Variants in DOCK10 observed in about 807,000 individuals in gnomAD.
The protein encoded by DOCK10 is dedicator of cytokinesis protein 10.
A neutral mutation model predicts 280.1 loss-of-function variants in DOCK10; 145 were observed. The observed-to-expected ratio is 0.52, with a 90% CI of 0.45 to 0.59. DOCK10 has a LOEUF of 0.59. Among genes scored for constraint, DOCK10 ranks in the 20% least tolerant of loss-of-function variants. The pLI is 0.00. For missense variants in DOCK10, 2,368 were observed against 2,651.7 expected (o/e 0.89, Z 2.35); for synonymous variants, 915 against 942.2 (o/e 0.97, Z 0.53).
At chr2:224,867,251 G>A (rs1419317242) in intron 11 of DOCK10, among the ~76,000 whole-genome samples, 2 of 152,194 alleles carry the variant, frequency 1.3e-5, no homozygotes, top group African/African-American at 2.4e-5. Context: ...CTCCAACAGT[G>A]AGAATGCGGG....
chr2:224,824,978 ATT>A (rs10563888), intron 27 of DOCK10, among the ~76,000 whole-genome samples: 17,204 of 126,624 alleles, frequency 0.14, 1,072 homozygotes, highest in Middle Eastern at 0.19. Flanking sequence ...GCTGGCTTCT[ATT>A]TTTTTTTTTT....
intron 1 of DOCK10, among the ~76,000 whole-genome samples, chr2:224,966,806 AG>A (rs1704770581): frequency 6.6e-6 from 1 of 152,166 alleles, no homozygotes; most frequent in African/African-American, 2.4e-5. Context: ...TATTTTATTG[AG>A]GCTGTGAACA....
chr2:224,809,423 G>GA (rs1389766069), intron 31 of DOCK10, among the ~76,000 whole-genome samples: 2 of 152,064 alleles, frequency 1.3e-5, no homozygotes, highest in Non-Finnish European at 2.9e-5. Flanking sequence ...CAGATTGGGA[G>GA]AAAATGCTTG....
intron 29 of DOCK10, among the ~76,000 whole-genome samples, 184 bp downstream of exon 29, chr2:224,819,262 T>C (rs746039829): frequency 5.9e-5 from 9 of 152,168 alleles, no homozygotes; most frequent in African/African-American, 2.2e-4. Context: ...CTCTCCTTTG[T>C]CCCCATTAAG....
intron 1 of DOCK10, among the ~76,000 whole-genome samples, chr2:224,959,199 T>G (rs1205940259): frequency 6.6e-6 from 1 of 152,196 alleles, no homozygotes; most frequent in East Asian, 1.9e-4. Flanking sequence ...TGCATCTCAC[T>G]GCATTCACAG....
At chr2:224,889,001 G>A (rs1460502577) in intron 4 of DOCK10, among the ~76,000 whole-genome samples, 6 of 152,114 alleles carry the variant, frequency 3.9e-5, no homozygotes, top group Admixed American at 6.6e-5. Flanking sequence ...TAAGCCAGAC[G>A]TGGAGAAAAA....
intron 55 of DOCK10, among the ~76,000 whole-genome samples, chr2:224,767,415 C>T (rs1320264189): frequency 2.6e-5 from 4 of 152,134 alleles, no homozygotes; most frequent in Non-Finnish European, 4.4e-5. Flanking sequence ...CTGCCCACCT[C>T]GGCCTCCCAA....
intron 4 of DOCK10, among the ~76,000 whole-genome samples, chr2:224,887,402 A>AT (rs1438510424): frequency 6.6e-6 from 1 of 152,150 alleles, no homozygotes; most frequent in East Asian, 1.9e-4. Context: ...GTGCATTTCC[A>AT]TGGTATCCTA....
intron 51 of DOCK10, among the ~76,000 whole-genome samples, chr2:224,776,336 G>A (rs1690862579): frequency 6.6e-6 from 1 of 152,128 alleles, no homozygotes; most frequent in Non-Finnish European, 1.5e-5. Context: ...GGTTTCGAGT[G>A]ACCAGCTAAT....
rs551751434 is a variant in DOCK10 at position 224,852,280 on chromosome 2, T to C, written c.2142+97A>G. ...AACAAATGTATTAAATTACTGCTCT[T>C]TCAACCACACTCACATAAAAAGCCC... On this transcript the variant is annotated intron_variant, in intron 18 of 55. Transcript: ENST00000258390. The C allele has an allele frequency of 2.8e-4, 254 of 903,092 alleles. 4 individuals carry two copies. In the South Asian group the frequency reaches 3.6e-3, roughly 13 times the overall value. 55.9% of individuals were successfully genotyped at this position (903,092 alleles called of 1,614,324 possible).
intron 1 of DOCK10, among the ~76,000 whole-genome samples, chr2:225,007,619 T>C (rs16866458): frequency 0.035 from 5,307 of 152,232 alleles, 190 homozygotes; most frequent in African/African-American, 0.095. Context: ...TATTAAGTTG[T>C]ATTAGAAGAA....
In DOCK10 at chr2:225,042,286, G is replaced by T; in HGVS notation, c.89C>A (p.Ala30Asp). 1.5e-6 allele frequency: 2 copies of T among 1,341,860 alleles called. No homozygotes were observed. Among genetic ancestry groups the T allele is most frequent in the Non-Finnish European group, 1.9e-6 (2 of 1,044,174 alleles). The allele number at this position is 1,341,860 out of a possible 1,614,324, so 83.1% of individuals were successfully genotyped here. Reference sequence around the variant, plus strand: ...CTGCCGGCTGCTGACTGCCACCGCGGCGGCGGACGCGGCGCTGTGCCGGAG... The same window carrying T: ...CTGCCGGCTGCTGACTGCCACCGCGTCGGCGGACGCGGCGCTGTGCCGGAG... ...AELRHSAASAAAVAVSSRQQQ... is the reference protein window; with the variant it reads ...AELRHSAASADAVAVSSRQQQ... The change falls in exon 1 of 56, where the codon GCC (alanine) becomes GAC (aspartate). Residue 30 changes from alanine to aspartate, a missense_variant. This residue lies in a region of DOCK10 where 1,209 missense variants were observed against 1,250.9 expected (regional missense o/e 0.97). Transcript: ENST00000258390. The surrounding 1 kb of genome is among the most constrained non-coding windows in gnomAD (Gnocchi z 5.1).
At chr2:224,896,518 G>A in intron 3 of DOCK10, 141 bp from the exon 4 acceptor site, 1 of 505,244 alleles carries the variant, frequency 2.0e-6, no homozygotes, top group Non-Finnish European at 3.4e-6. Context: ...AGGCCAACCT[G>A]ACCAATATGG....
At chr2:224,920,867 G>A (rs1327586614) in intron 2 of DOCK10, among the ~76,000 whole-genome samples, 2 of 150,756 alleles carry the variant, frequency 1.3e-5, no homozygotes, top group African/African-American at 2.4e-5. Context: ...GATCCAAATT[G>A]GCTCCATCAT....
chr2:225,012,324 T>C (rs1198240103), intron 1 of DOCK10, among the ~76,000 whole-genome samples: 1 of 152,228 alleles, frequency 6.6e-6, no homozygotes, highest in African/African-American at 2.4e-5. Flanking sequence ...TACCCTGAAT[T>C]ACCTCTTTGT....
chr2:224,806,232 A>G lies in DOCK10; in HGVS notation c.3708T>C (p.Ser1236=). Residue 1236 remains serine, a synonymous_variant, in exon 34 of 56, where the codon TCT becomes TCC. Transcript: ENST00000258390. The part of the protein sequence containing the change: ...PFTVNTSNQG[S]RDDLSTNGGF... ...CTCCATTGGTGCTTAGATCATCTCT[A>G]GACCCCTGTATTCAAAGTATAGTAA... 1.9e-6 allele frequency: 3 copies of G among 1,582,336 alleles called. No homozygotes were observed. The highest frequency in any genetic ancestry group is 1.7e-4 in the Middle Eastern group (1 of 5,986).
chr2:224,774,549 C>T lies in DOCK10; in HGVS notation c.6013+356G>A, dbSNP rs148067681. Reference sequence around the variant, plus strand: ...AATCCCAGAGTGGTTTAGAATCTTTCCCCAAAGCACACGATAAGAGCTGTT... The same window carrying T: ...AATCCCAGAGTGGTTTAGAATCTTTTCCCAAAGCACACGATAAGAGCTGTT... On this transcript the variant is annotated intron_variant, in intron 52 of 55. Transcript: ENST00000258390. 3.1e-3 allele frequency among the ~76,000 whole-genome samples: 478 copies of T among 152,266 alleles called. 4 individuals are homozygous for T. Among genetic ancestry groups the T allele is most frequent in the South Asian group, 6.6e-3 (32 of 4,816 alleles).
In DOCK10 at chr2:225,020,194, T is replaced by C. The variant is rs184005385; in HGVS notation, c.123+22058A>G. 1.6e-3 allele frequency among the ~76,000 whole-genome samples: 244 copies of C among 151,778 alleles called. 1 individual carries two copies. Among genetic ancestry groups the C allele is most frequent in the African/African-American group, 5.6e-3 (231 of 41,408 alleles). On this transcript the variant is annotated intron_variant, in intron 1 of 55. Coordinates refer to ENST00000258390, the MANE Select transcript of DOCK10 (RefSeq NM_014689.3). ...TAGTCTTGAAATTGATATTAAAGTA[T>C]ATATATATATAAATGTTATATAGAT...
chr2:225,030,738 A>T lies in DOCK10; in HGVS notation c.123+11514T>A, dbSNP rs140286203. ...GGGAATCTTGAATTAAATTCTGCTC[A>T]GTTTACTTCAATTCAATTTGCTATA... On this transcript the variant is annotated intron_variant, in intron 1 of 55. Coordinates refer to ENST00000258390, the MANE Select transcript of DOCK10 (RefSeq NM_014689.3). 1.6e-3 allele frequency among the ~76,000 whole-genome samples: 244 copies of T among 152,320 alleles called. 1 individual carries two copies. The highest frequency in any genetic ancestry group is 5.6e-3 in the African/African-American group (231 of 41,572).
Sources: allele counts gnomAD v4.1 joint callset (sites outside exome capture counted in the v4.1 genomes callset), GRCh38; gene constraint gnomAD v4.1.1; regional missense constraint gnomAD v4.1.1; non-coding constraint Gnocchi (gnomAD v3.1); transcripts MANE v1.5; gene names NCBI Gene and HGNC (gene_info 2026-07-23, HGNC 2026-07-21).